The following NDST4 variants were observed in gnomAD, a reference collection of about 807,000 sequenced individuals.
NDST4 encodes N-heparan sulfate sulfotransferase 4.
Under a neutral mutation model 100.8 loss-of-function variants are expected in NDST4, and 63 were observed. The ratio of observed to expected loss-of-function variants is 0.62; its 90% CI spans 0.51 to 0.77. NDST4 has a LOEUF of 0.77. Ranked by LOEUF, NDST4 falls within the 30% of genes least tolerant of loss-of-function variation. The pLI is 0.00. For synonymous variants in NDST4, 377 were observed against 361.8 expected (o/e 1.04, Z -0.48); for missense variants, 943 against 1,018.4 (o/e 0.93, Z 1.01).
intron 1 of NDST4, among the ~76,000 whole-genome samples, chr4:115,108,722 A>G (rs1160738451): frequency 6.6e-6 from 1 of 152,018 alleles, no homozygotes; most frequent in African/African-American, 2.4e-5. Flanking sequence ...CATATGTTAA[A>G]GTCAACATCA....
chr4:115,012,752 A>C (rs1727580268), intron 2 of NDST4, among the ~76,000 whole-genome samples: 1 of 151,888 alleles, frequency 6.6e-6, no homozygotes, highest in South Asian at 2.1e-4. Context: ...ATGTTTTTGC[A>C]ACATTATTCA....
At chr4:115,101,042 A>C (rs990703414) in intron 1 of NDST4, among the ~76,000 whole-genome samples, 1 of 151,492 alleles carries the variant, frequency 6.6e-6, no homozygotes, top group Non-Finnish European at 1.5e-5. Context: ...GATGTAGAGG[A>C]AAAAAAAATC....
At chr4:114,960,724 T>C (rs1726244674) in intron 4 of NDST4, among the ~76,000 whole-genome samples, 1 of 152,112 alleles carries the variant, frequency 6.6e-6, no homozygotes, top group Non-Finnish European at 1.5e-5. Context: ...ATGCAGTATA[T>C]TTTTAATAAC....
rs369116363 is a variant in NDST4, at chr4:114,937,325, C to T, written c.1400G>A (p.Ser467Asn). The T allele has an allele frequency of 2.8e-5, 45 of 1,614,044 alleles. No homozygotes were observed. The African/African-American group carries it at 5.3e-4, about 19-fold the overall frequency. ...ARYRKGFIHN[S>N]IMVLPRQTCG... ...ATGGCTCTCTGTGCTCACCATGATG[C>T]TATTGTGAATGAAGCCCTTTCTGTA... Residue 467 changes from serine (S) to asparagine (N), a missense_variant, in exon 5 of 14, where the codon AGC becomes AAC. Physicochemically the swap from Ser to Asn is conservative, Grantham distance 46. Around this residue, in one of 2 missense-constraint regions of NDST4, gnomAD observed 526 missense variants for 634.1 expected, o/e 0.83. Transcript: ENST00000264363.
intron 4 of NDST4, among the ~76,000 whole-genome samples, chr4:114,940,117 C>G (rs956633750): frequency 6.6e-6 from 1 of 152,048 alleles, no homozygotes; most frequent in Admixed American, 6.6e-5. Flanking sequence ...AATATAGACA[C>G]GTAAATGACA....
At chr4:115,084,526 C>T (rs912253194) in intron 1 of NDST4, among the ~76,000 whole-genome samples, 5 of 152,112 alleles carry the variant, frequency 3.3e-5, no homozygotes, top group Non-Finnish European at 4.4e-5. Flanking sequence ...GGCCTGGAGG[C>T]CTAGGAGGAA....
chr4:114,837,336 A>G (rs1723325982), intron 11 of NDST4, among the ~76,000 whole-genome samples: 1 of 151,944 alleles, frequency 6.6e-6, no homozygotes, highest in Non-Finnish European at 1.5e-5. Context: ...TTGATGTTTC[A>G]TATGGAACCA....
intron 6 of NDST4, among the ~76,000 whole-genome samples, chr4:114,908,399 A>T (rs1441483233): frequency 1.3e-5 from 2 of 152,176 alleles, no homozygotes; most frequent in Non-Finnish European, 2.9e-5. Context: ...AGAATAATAT[A>T]TACTTTTAAA....
chr4:115,021,664 C>G (rs997958653), intron 2 of NDST4, among the ~76,000 whole-genome samples: 1 of 144,174 alleles, frequency 6.9e-6, no homozygotes. Flanking sequence ...TACACACGTT[C>G]CACATATACA....
chr4:114,828,231 T>G (rs1723123297), intron 13 of NDST4, among the ~76,000 whole-genome samples: 1 of 151,724 alleles, frequency 6.6e-6, no homozygotes, highest in Non-Finnish European at 1.5e-5. Flanking sequence ...ATGACAGGAG[T>G]GTAATACTAG....
intron 7 of NDST4, among the ~76,000 whole-genome samples, chr4:114,859,556 A>C (rs1041864087): frequency 1.3e-5 from 2 of 151,788 alleles, no homozygotes; most frequent in Admixed American, 6.6e-5. Flanking sequence ...ACTAGAGCAA[A>C]CCCTCCACTC....
At chr4:114,918,636 C>T (rs1379057156) in intron 6 of NDST4, among the ~76,000 whole-genome samples, 2 of 152,024 alleles carry the variant, frequency 1.3e-5, no homozygotes, top group African/African-American at 4.8e-5. Context: ...AGATAAACTG[C>T]AGCTGGAAAC....
chr4:115,045,843 G>T (rs1728454372), intron 2 of NDST4, among the ~76,000 whole-genome samples: 1 of 152,138 alleles, frequency 6.6e-6, no homozygotes, highest in African/African-American at 2.4e-5. Context: ...TGGGAGAATT[G>T]CCACAGTCAA....
rs1210785846 is a variant in NDST4, at chr4:114,827,872, T to C, written c.2563A>G (p.Arg855Gly). 6.2e-7 allele frequency: 1 copy of C among 1,612,772 alleles called. No homozygotes were observed. Among genetic ancestry groups the C allele is most frequent in the African/African-American group, 1.3e-5 (1 of 74,802 alleles). The stretch of plus-strand genomic sequence containing the variant: ...CACGATGGCAGAGGCTGTCCCAGTC[T>C]GTGTAGCAGTTTGGATAGTTCCACA... ...HNVELSKLLH[R>G]LGQPLPSWLR... Residue 855 changes from arginine (R) to glycine (G), a missense_variant, in exon 14 of 14, where the codon AGA becomes GGA. This residue lies in a region of NDST4 where 526 missense variants were observed against 634.1 expected (regional missense o/e 0.83). Coordinates refer to ENST00000264363, the MANE Select transcript of NDST4 (RefSeq NM_022569.3).
intron 3 of NDST4, among the ~76,000 whole-genome samples, chr4:114,974,321 C>A (rs910009404): frequency 6.6e-6 from 1 of 151,878 alleles, no homozygotes. Flanking sequence ...GAATGTAACA[C>A]TCTACTTACT....
rs1318652893 is a variant in NDST4, at chr4:115,076,851, T to A, written c.186A>T (p.Ser62=). The A allele has an allele frequency of 6.2e-7, 1 of 1,613,750 alleles. No homozygotes were observed. Among genetic ancestry groups the A allele is most frequent in the Non-Finnish European group, 8.5e-7 (1 of 1,179,886 alleles). The change falls in exon 2 of 14, where the codon TCA becomes TCT. Residue 62 remains serine (S), a synonymous_variant. Coordinates refer to ENST00000264363, the MANE Select transcript of NDST4 (RefSeq NM_022569.3). ...TAGGTTTAACTGTTTTCAGCTCCAT[T>A]GACCTATATGGTAGAATTTTGATGT... ...CTDIKILPYR[S]MELKTVKPID...
chr4:115,002,281 G>C (rs1727307613), intron 2 of NDST4, among the ~76,000 whole-genome samples: 1 of 151,810 alleles, frequency 6.6e-6, no homozygotes, highest in Non-Finnish European at 1.5e-5. Context: ...CATGTTTGTT[G>C]GCCACATCAA....
intron 2 of NDST4, among the ~76,000 whole-genome samples, 158 bp downstream of exon 2, chr4:115,075,901 T>C (rs531151519): frequency 6.6e-6 from 1 of 151,740 alleles, no homozygotes; most frequent in South Asian, 2.1e-4. Context: ...GTGTAAAGAA[T>C]GGTTAAGTCT....
intron 7 of NDST4, among the ~76,000 whole-genome samples, chr4:114,865,061 A>AT (rs11433053): frequency 0.042 from 6,120 of 145,048 alleles, 399 homozygotes; most frequent in African/African-American, 0.15. Context: ...TAGCGCTATC[A>AT]TTTTTTTTTC....
Sources: gnomAD v4.1 joint callset for allele counts (sites outside exome capture counted in the v4.1 genomes callset) on GRCh38, gnomAD v4.1.1 for gene constraint, gnomAD v4.1.1 regional missense constraint, MANE v1.5 for transcripts, NCBI Gene and HGNC (gene_info 2026-07-23, HGNC 2026-07-21) for gene names.